Variants in ALPL observed in about 807,000 individuals in gnomAD.
ALPL encodes alkaline phosphatase, tissue-nonspecific isozyme.
In ALPL, 42 loss-of-function variants were observed where a neutral mutation model predicts 51.3. The ratio of observed to expected loss-of-function variants is 0.82; its 90% confidence interval spans 0.64 to 1.06. The LOEUF (loss-of-function observed/expected upper bound fraction) is 1.06. Ranked by LOEUF, ALPL falls within the 50% of genes least tolerant of loss-of-function variation. ALPL has a pLI of 0.00. For synonymous variants in ALPL, 279 were observed against 296.4 expected, an observed-to-expected ratio of 0.94 and a Z score of 0.60; for missense variants, 589 against 709.4, an observed-to-expected ratio of 0.83 and a Z score of 1.93.
At chr1:21,562,912 G>A (rs1031119026) in intron 4 of ALPL, among the ~76,000 whole-genome samples, 198 bp from the exon 5 acceptor site, 1 of 152,236 alleles carries the variant, frequency 6.6e-6, no homozygotes, top group African/African-American at 2.4e-5. Context: ...CTGCCAGGGT[G>A]CAGGGAATGA....
intron 10 of ALPL, 23 bp from the exon 11 acceptor site, chr1:21,576,499 C>T: frequency 6.2e-7 from 1 of 1,613,122 alleles, no homozygotes; most frequent in Non-Finnish European, 8.5e-7. Flanking sequence ...AGCATGACCC[C>T]TGAACACCCC....
chr1:21,545,372 C>T (rs552971490), intron 1 of ALPL, among the ~76,000 whole-genome samples: 34 of 152,248 alleles, frequency 2.2e-4, no homozygotes, highest in Middle Eastern at 3.4e-3. Context: ...CTCACTACAA[C>T]CTCCGCCACC....
At chr1:21,574,141 C>G in intron 9 of ALPL, 1 of 985,494 alleles carries the variant, frequency 1.0e-6, no homozygotes, top group Non-Finnish European at 1.2e-6. Context: ...AATCCGCAGG[C>G]CCCGGCTTTC....
In ALPL at chr1:21,563,915, A is replaced by G. The variant is rs1378483385; in HGVS notation, c.473-126A>G. ...CCTGCTGCTGTGGATGGGGAGACTG[A>G]GACCCGGGCAATCCTCAGAACTGAA... On this transcript the variant is annotated intron_variant, in intron 5 of 11. Transcript: ENST00000374840. 4.8e-6 allele frequency: 6 copies of G among 1,253,924 alleles called. No individual in the cohort carries two copies. The East Asian group carries it at 1.5e-4, about 32-fold the overall frequency. 77.7% of individuals were successfully genotyped at this position (1,253,924 alleles called of 1,614,324 possible).
In ALPL at chr1:21,560,670, A is replaced by C. The variant is rs747167000; in HGVS notation, c.106A>C (p.Thr36Pro). 20 of 1,614,156 alleles carry C rather than the reference A, an allele frequency of 1.2e-5. No homozygotes were observed. Among genetic ancestry groups the C allele is most frequent in the Non-Finnish European group, 1.7e-5 (20 of 1,180,034 alleles). The change falls in exon 3 of 12, where the codon ACA becomes CCA. Residue 36 changes from threonine (T) to proline (P), a missense_variant. Coordinates refer to ENST00000374840, the MANE Select transcript of ALPL (RefSeq NM_000478.6). ...GTACTGGCGAGACCAAGCGCAAGAG[A>C]CACTGAAATATGCCCTGGAGCTTCA... Reference protein sequence around the residue: ...PKYWRDQAQETLKYALELQKL... With the variant: ...PKYWRDQAQEPLKYALELQKL...
At chr1:21,576,413 T>A in intron 10 of ALPL, 109 bp from the exon 11 acceptor site, 1 of 1,479,368 alleles carries the variant, frequency 6.8e-7, no homozygotes, top group Non-Finnish European at 9.2e-7. Flanking sequence ...GCAGGGCCCT[T>A]CAAAGAAGAT....
intron 1 of ALPL, 45 bp from the exon 2 acceptor site, chr1:21,553,933 G>T (rs1644364397): frequency 1.4e-6 from 1 of 722,040 alleles, no homozygotes; most frequent in African/African-American, 1.7e-5. Context: ...AGGATCTCTA[G>T]AGCTGTGCCC....
rs540041127 is a variant in ALPL at position 21,555,089 on chromosome 1, C to T, written c.61+947C>T. On this transcript the variant is annotated intron_variant, in intron 2 of 11. Transcript: ENST00000374840. ...CAGCCAAGGGAGATATGGGTGGGGC[C>T]GTTTTATAAGATAGGGGTAGGTAAA... Among the ~76,000 whole-genome samples, 8 of 145,410 alleles carry T rather than the reference C, an allele frequency of 5.5e-5. No homozygotes were observed. The South Asian group carries it at 1.7e-3, about 31-fold the overall frequency.
rs1351986125 is a variant in ALPL, at chr1:21,564,519, AGGTG to A, written c.648+305_648+308del. On this transcript the variant is annotated intron_variant, in intron 6 of 11. Coordinates refer to ENST00000374840, the MANE Select transcript of ALPL (RefSeq NM_000478.6). The surrounding 1 kb of genome is among the most constrained non-coding windows in gnomAD (Gnocchi z 5.8). ...CCTCCTCTGCCCCCCACTACACGGG[AGGTG>A]GTGATGGCCAAGTGTCGTCTGCCTG... Among the ~76,000 whole-genome samples the A allele has an allele frequency of 1.3e-5, 2 of 152,112 alleles. No homozygotes were observed. Among genetic ancestry groups the A allele is most frequent in the Admixed American group, 1.3e-4 (2 of 15,272 alleles).
At chr1:21,554,800 TCTGTCTGTCTGTCTG>T (rs1558543740) in intron 2 of ALPL, among the ~76,000 whole-genome samples, 67 of 37,016 alleles carry the variant, frequency 1.8e-3, no homozygotes, top group South Asian at 4.0e-3. Context: ...TGTCTGTCTG[TCTGTCTGTCTGTCTG>T]TCTTTCTTTC....
chr1:21,509,304 G>A (rs2148044381), upstream of ALPL: 1 of 148,914 alleles, frequency 6.7e-6, no homozygotes, highest in East Asian at 2.0e-4. The surrounding 1 kb of genome is among the most constrained non-coding windows in gnomAD (Gnocchi z 6.0). Context: ...CGGGCCGGGG[G>A]CGGGGCCGGG....
chr1:21,564,091 A>G lies in ALPL; in HGVS notation c.523A>G (p.Ser175Gly). Reference protein sequence around the residue: ...TTTRVNHATPSAAYAHSADRD... With the variant: ...TTTRVNHATPGAAYAHSADRD... ...CACGAGAGTGAACCATGCCACCCCC[A>G]GCGCCGCCTACGCCCACTCGGCTGA... is the stretch of plus-strand genomic sequence containing the variant. The change falls in exon 6 of 12, where the codon AGC becomes GGC. Residue 175 changes from serine to glycine, a missense_variant. Coordinates refer to ENST00000374840, the MANE Select transcript of ALPL (RefSeq NM_000478.6). This position sits in a 1 kb window ranked among gnomAD's most constrained non-coding sequence, Gnocchi z 5.8. 1 of 1,614,022 alleles carries G rather than the reference A, an allele frequency of 6.2e-7. No individual in the cohort carries two copies.
At chr1:21,524,511 T>G (rs186039164) in intron 1 of ALPL, among the ~76,000 whole-genome samples, 1 of 150,930 alleles carries the variant, frequency 6.6e-6, no homozygotes, top group Admixed American at 6.6e-5. Flanking sequence ...ATAAAAAATA[T>G]AAGAAAAAAA....
chr1:21,552,720 T>G (rs960350957), intron 1 of ALPL, among the ~76,000 whole-genome samples: 2 of 152,166 alleles, frequency 1.3e-5, no homozygotes, highest in Non-Finnish European at 2.9e-5. Flanking sequence ...CTGGCTTTTT[T>G]TCTTTAAACA....
intron 9 of ALPL, chr1:21,574,162 T>TGC: frequency 1.0e-6 from 1 of 985,476 alleles, no homozygotes. Context: ...CCACGCTGTG[T>TGC]GCTGATGTTC....
intron 1 of ALPL, among the ~76,000 whole-genome samples, chr1:21,532,734 C>T (rs1048977837): frequency 2.6e-5 from 4 of 152,190 alleles, no homozygotes; most frequent in African/African-American, 9.7e-5. Flanking sequence ...TGGGCTGTTC[C>T]AGCAGCTTAG....
In ALPL at chr1:21,554,012, G is replaced by GGCCC; in HGVS notation, c.-70_-69insGCCC. ...ATCAGTTAACATCTGACCACTGCCA[G>GGCCC]CCCACCCCCTCCCACCCACGTCGAT... On this transcript the variant is annotated 5_prime_UTR_variant, in exon 2 of 12. Transcript: ENST00000374840. 71 of 995,076 alleles carry GGCCC rather than the reference G, an allele frequency of 7.1e-5. No individual in the cohort carries two copies. Among genetic ancestry groups the GGCCC allele is most frequent in the Non-Finnish European group, 8.7e-5 (54 of 623,702 alleles). 61.6% of individuals were successfully genotyped at this position (995,076 alleles called of 1,614,324 possible).
chr1:21,554,142 G>T lies in ALPL; in HGVS notation c.61G>T (p.Glu21Ter). 1 of 1,613,424 alleles carries T rather than the reference G, an allele frequency of 6.2e-7. No individual in the cohort carries two copies. The highest frequency in any genetic ancestry group is 8.5e-7 in the Non-Finnish European group (1 of 1,179,732). ...GTCLTNSLVP[E>*]KEKDPKYWRD... Reference sequence around the variant, plus strand: ...CTGCCTTACTAACTCCTTAGTGCCAGGTATGCTTGGGGACACAGGTGGAGG... The same window carrying T: ...CTGCCTTACTAACTCCTTAGTGCCATGTATGCTTGGGGACACAGGTGGAGG... Residue 21 changes from glutamate (E) to a stop codon, truncating the protein, a stop_gained and splice_region_variant, in exon 2 of 12, where the codon GAG (glutamate) becomes TAG (stop). Coordinates refer to ENST00000374840, the MANE Select transcript of ALPL (RefSeq NM_000478.6). LOFTEE classifies it high-confidence loss of function.
chr1:21,548,808 T>C (rs1230906687), intron 1 of ALPL, among the ~76,000 whole-genome samples: 2 of 152,180 alleles, frequency 1.3e-5, no homozygotes, highest in African/African-American at 4.8e-5. Flanking sequence ...CCTATGCTAA[T>C]GTACTTAATA....
Sources: gnomAD v4.1 joint callset for allele counts (sites outside exome capture counted in the v4.1 genomes callset) on GRCh38, gnomAD v4.1.1 for gene constraint, Gnocchi (gnomAD v3.1) non-coding constraint, MANE v1.5 for transcripts, NCBI Gene and HGNC (gene_info 2026-07-23, HGNC 2026-07-21) for gene names.